The following RANBP17 variants were observed in gnomAD, a reference collection of about 807,000 sequenced individuals.
RANBP17 encodes RAN binding protein 17.
A neutral mutation model predicts 141.2 loss-of-function variants in RANBP17; 158 were observed. The ratio of observed to expected loss-of-function variants is 1.12; its 90% CI spans 0.98 to 1.28. The LOEUF (loss-of-function observed/expected upper bound fraction) is 1.28, where lower values mean the gene tolerates loss of function less well. Among genes scored for constraint, RANBP17 ranks in the 50% most tolerant of loss-of-function variants. RANBP17 has a pLI of 0.00. For missense variants in RANBP17, 1,438 were observed against 1,290.7 expected (o/e 1.11, Z -1.75); for synonymous variants, 430 against 450.0 (o/e 0.96, Z 0.56).
chr5:171,016,690 A>G (rs1419365921), intron 14 of RANBP17, among the ~76,000 whole-genome samples: 1 of 151,794 alleles, frequency 6.6e-6, no homozygotes, highest in African/African-American at 2.4e-5. Flanking sequence ...ATTTTTTACT[A>G]TTCCATTTTA....
chr5:170,933,010 G>A (rs1293294470), intron 12 of RANBP17, among the ~76,000 whole-genome samples: 1 of 152,104 alleles, frequency 6.6e-6, no homozygotes, highest in Non-Finnish European at 1.5e-5. Flanking sequence ...TTGTACCTCT[G>A]GTAGAATTCG....
chr5:171,298,433 CT>C (rs957195606), intron 27 of RANBP17, among the ~76,000 whole-genome samples: 3 of 152,012 alleles, frequency 2.0e-5, no homozygotes, highest in South Asian at 4.1e-4. Context: ...AACTTTTGTT[CT>C]TTTTTTTATA....
chr5:171,174,686 G>T (rs1760316130), intron 16 of RANBP17, among the ~76,000 whole-genome samples: 1 of 150,266 alleles, frequency 6.7e-6, no homozygotes, highest in African/African-American at 2.5e-5. Context: ...TCTCTATCAG[G>T]CCCTCTGTTG....
At chr5:171,219,643 T>C (rs978220899) in intron 21 of RANBP17, among the ~76,000 whole-genome samples, 3 of 151,878 alleles carry the variant, frequency 2.0e-5, no homozygotes, top group Admixed American at 2.0e-4. Flanking sequence ...ATTAAGTTGA[T>C]CTTCAGTCTC....
At chr5:171,158,856 C>G (rs1759092566) in intron 14 of RANBP17, among the ~76,000 whole-genome samples, 1 of 152,160 alleles carries the variant, frequency 6.6e-6, no homozygotes, top group Non-Finnish European at 1.5e-5. Flanking sequence ...ACACATGATA[C>G]TCTCTAACCT....
chr5:171,144,895 A>G (rs749248797), intron 14 of RANBP17, among the ~76,000 whole-genome samples: 10 of 152,082 alleles, frequency 6.6e-5, no homozygotes, highest in Non-Finnish European at 8.8e-5. Flanking sequence ...TTATATTACT[A>G]TTTCTCTTGA....
intron 13 of RANBP17, among the ~76,000 whole-genome samples, chr5:170,964,191 ATAAT>A (rs1776353033): frequency 6.6e-6 from 1 of 152,186 alleles, no homozygotes; most frequent in South Asian, 2.1e-4. Flanking sequence ...CAAAATTATA[ATAAT>A]TTATGCTGTT....
At chr5:170,914,588 A>G (rs1274290783) in intron 8 of RANBP17, among the ~76,000 whole-genome samples, 1 of 151,992 alleles carries the variant, frequency 6.6e-6, no homozygotes, top group Non-Finnish European at 1.5e-5. Flanking sequence ...CCCTTCTACT[A>G]CCCTTCTCTA....
At chr5:170,909,514 G>A (rs1049228528) in intron 5 of RANBP17, 147 bp from the exon 6 acceptor site, 8 of 553,556 alleles carry the variant, frequency 1.4e-5, no homozygotes, top group African/African-American at 5.9e-5. Flanking sequence ...GGATCAGTAC[G>A]GGTTGTAGGA....
At chr5:171,089,460 G>T (rs887106640) in intron 14 of RANBP17, among the ~76,000 whole-genome samples, 3 of 151,980 alleles carry the variant, frequency 2.0e-5, no homozygotes, top group African/African-American at 7.2e-5. Flanking sequence ...AGGCAGGCAG[G>T]CCTCCTTGAG....
At chr5:171,172,369 CTTT>C (rs1179339146) in intron 16 of RANBP17, among the ~76,000 whole-genome samples, 1 of 151,638 alleles carries the variant, frequency 6.6e-6, no homozygotes, top group Non-Finnish European at 1.5e-5. Flanking sequence ...TTTCAGGATT[CTTT>C]TTATTATTTT....
chr5:170,991,398 AAAGC>A (rs1778498538), intron 14 of RANBP17, among the ~76,000 whole-genome samples: 1 of 151,970 alleles, frequency 6.6e-6, no homozygotes, highest in Non-Finnish European at 1.5e-5. Context: ...GAATTTTTAA[AAAGC>A]AACCCAATTG....
chr5:171,119,966 G>A (rs1488447041), intron 14 of RANBP17, among the ~76,000 whole-genome samples: 1 of 151,610 alleles, frequency 6.6e-6, no homozygotes, highest in African/African-American at 2.4e-5. Flanking sequence ...GAACCCAGGA[G>A]GTGGAGGTTG....
chr5:170,985,426 C>G (rs1778080046), intron 14 of RANBP17, among the ~76,000 whole-genome samples: 1 of 152,146 alleles, frequency 6.6e-6, no homozygotes, highest in African/African-American at 2.4e-5. Flanking sequence ...ATTCTGTCCT[C>G]CCAAAACAGG....
At chr5:171,191,603 C>T (rs773288035) in intron 18 of RANBP17, among the ~76,000 whole-genome samples, 16 of 151,902 alleles carry the variant, frequency 1.1e-4, no homozygotes, top group Non-Finnish European at 2.4e-4. Flanking sequence ...AGGAGAATGG[C>T]GTGAACCCCG....
chr5:171,012,084 T>A (rs1012771898), intron 14 of RANBP17, among the ~76,000 whole-genome samples: 1 of 151,308 alleles, frequency 6.6e-6, no homozygotes, highest in Non-Finnish European at 1.5e-5. Flanking sequence ...ATTGTTTGTT[T>A]ATTTGTTTAA....
At chr5:170,896,488 A>C (rs2127392862) in intron 5 of RANBP17, among the ~76,000 whole-genome samples, 1 of 152,316 alleles carries the variant, frequency 6.6e-6, no homozygotes, top group South Asian at 2.1e-4. Flanking sequence ...AGGTGGTTTG[A>C]GGAATTGATT....
chr5:170,974,427 C>T (rs1431145076), intron 14 of RANBP17, among the ~76,000 whole-genome samples: 2 of 152,132 alleles, frequency 1.3e-5, no homozygotes, highest in Non-Finnish European at 2.9e-5. Flanking sequence ...TTTCTGAACA[C>T]ACTGGGGTAG....
Position 170,901,908 on chromosome 5 carries a change from T to C in RANBP17, c.489+5793T>C, listed in dbSNP as rs187945462. Among the ~76,000 whole-genome samples, 46 of 152,348 alleles carry C rather than the reference T, an allele frequency of 3.0e-4. 2 individuals carry two copies. Among genetic ancestry groups the C allele is most frequent in the African/African-American group, 1.1e-3 (45 of 41,576 alleles). ...GAGATCTGCTGTTAGTCTGATGGGC[T>C]TCTCTTTGTGGGTAACCCAACCTTT... On this transcript the variant is annotated intron_variant, in intron 5 of 27. Coordinates refer to ENST00000523189, the MANE Select transcript of RANBP17 (RefSeq NM_022897.5).
Sources: allele counts gnomAD v4.1 joint callset (sites outside exome capture counted in the v4.1 genomes callset), GRCh38; gene constraint gnomAD v4.1.1; transcripts MANE v1.5; gene names NCBI Gene and HGNC (gene_info 2026-07-23, HGNC 2026-07-21).